The following CRACD variants were observed in gnomAD, a reference collection of about 807,000 sequenced individuals.
CRACD encodes capping protein-inhibiting regulator of actin dynamics.
In CRACD, 56 loss-of-function variants were observed where a neutral mutation model predicts 106.8. That is an observed-to-expected ratio of 0.52 (90% confidence interval 0.42 to 0.66). The LOEUF (loss-of-function observed/expected upper bound fraction) is 0.66, where lower values mean the gene tolerates loss of function less well. Ranked by LOEUF, CRACD falls within the 30% of genes least tolerant of loss-of-function variation. The pLI, the probability that CRACD is intolerant of heterozygous loss-of-function variation, is 0.00. For synonymous variants in CRACD, 754 were observed against 670.8 expected (o/e 1.12, Z -1.92); for missense variants, 1,730 against 1,623.2 (o/e 1.07, Z -1.13).
At position 56,313,275 on chromosome 4, in the gene CRACD, AT is replaced by A; in HGVS notation, c.434del (p.Ile145ThrfsTer104). 6.2e-7 allele frequency: 1 copy of A among 1,614,190 alleles called. No individual in the cohort carries two copies. Among genetic ancestry groups the A allele is most frequent in the Non-Finnish European group, 8.5e-7 (1 of 1,180,032 alleles). Reference protein sequence around the residue: ...GTIESVNLDAIPLAIARLDNS... With the variant: ...GTIESVNLDAXPLAIARLDNS... The stretch of plus-strand genomic sequence containing the variant: ...CATCGAAAGTGTCAACTTAGATGCC[AT>A]CCCCCTGGCCATCGCTCGCCTGGAC... On this transcript the variant is annotated frameshift_variant, in exon 7 of 11. Coordinates refer to ENST00000682029, the MANE Select transcript of CRACD (RefSeq NM_001393381.1). LOFTEE classifies it high-confidence loss of function.
intron 1 of CRACD, among the ~76,000 whole-genome samples, chr4:56,172,472 CT>C (rs1467216555): frequency 4.6e-5 from 7 of 152,124 alleles, no homozygotes; most frequent in Non-Finnish European, 7.4e-5. Context: ...CCCAACCTTT[CT>C]TTTTTTGAGA....
At chr4:56,248,906 C>T (rs2109582902) in intron 2 of CRACD, among the ~76,000 whole-genome samples, 1 of 148,246 alleles carries the variant, frequency 6.7e-6, no homozygotes, top group South Asian at 2.2e-4. Context: ...GACATGAACT[C>T]ATCATTTTTA....
chr4:56,139,961 G>A (rs1172625852), intron 1 of CRACD, among the ~76,000 whole-genome samples: 1 of 152,004 alleles, frequency 6.6e-6, no homozygotes, highest in African/African-American at 2.4e-5. Context: ...TTGGTATTTA[G>A]GTTTTTCAAA....
intron 1 of CRACD, among the ~76,000 whole-genome samples, chr4:56,111,143 T>C (rs11932413): frequency 0.47 from 71,732 of 151,728 alleles, 18,203 homozygotes; most frequent in African/African-American, 0.66. Context: ...AAACACTGAA[T>C]ATAGAACCGT....
At chr4:56,074,860 A>G (rs1180392682) in intron 1 of CRACD, among the ~76,000 whole-genome samples, 1 of 152,170 alleles carries the variant, frequency 6.6e-6, no homozygotes, top group African/African-American at 2.4e-5. Flanking sequence ...GATACGTTCC[A>G]TCAATACCTA....
At chr4:56,254,680 A>G (rs1417923089) in intron 2 of CRACD, among the ~76,000 whole-genome samples, 1 of 152,118 alleles carries the variant, frequency 6.6e-6, no homozygotes, top group African/African-American at 2.4e-5. Flanking sequence ...TGATACTCAC[A>G]TAGTAAAACT....
intron 1 of CRACD, among the ~76,000 whole-genome samples, chr4:56,082,062 G>A (rs765632536): frequency 2.0e-5 from 3 of 152,160 alleles, no homozygotes; most frequent in African/African-American, 2.4e-5. Context: ...AGTTTATTTC[G>A]TAAGAAATAT....
At chr4:56,248,379 A>G (rs1052350665) in intron 2 of CRACD, among the ~76,000 whole-genome samples, 1 of 152,196 alleles carries the variant, frequency 6.6e-6, no homozygotes, top group African/African-American at 2.4e-5. Context: ...TTGGTGAGCT[A>G]GAACTAGAAC....
At chr4:56,216,922 G>C (rs567706640) in intron 2 of CRACD, among the ~76,000 whole-genome samples, 3 of 146,852 alleles carry the variant, frequency 2.0e-5, no homozygotes, top group Non-Finnish European at 4.5e-5. Flanking sequence ...GGAGCTTGCA[G>C]TGAGCCGAGA....
chr4:56,214,302 TA>T (rs1738546994), intron 2 of CRACD, among the ~76,000 whole-genome samples: 1 of 152,132 alleles, frequency 6.6e-6, no homozygotes, highest in Admixed American at 6.5e-5. Context: ...TTTTTTTATT[TA>T]AAAAATATAG....
chr4:56,179,612 CT>C (rs757174937), intron 2 of CRACD, among the ~76,000 whole-genome samples, 182 bp downstream of exon 2: 35 of 152,148 alleles, frequency 2.3e-4, no homozygotes, highest in Admixed American at 3.3e-4. Context: ...TACTTACCAG[CT>C]GAGTCAACTT....
In CRACD at chr4:56,248,993, G is replaced by C. The variant is rs1156925523; in HGVS notation, c.-188-23328G>C. On this transcript the variant is annotated intron_variant, in intron 2 of 10. Coordinates refer to ENST00000682029, the MANE Select transcript of CRACD (RefSeq NM_001393381.1). ...CTATCATTGTTGGACATTTGGGTTG[G>C]TTCCAAGTCTTTGCTATTGTGAATA... Among the ~76,000 whole-genome samples, 33 of 97,308 alleles carry C rather than the reference G, an allele frequency of 3.4e-4. 1 individual carries two copies. Among genetic ancestry groups the C allele is most frequent in the African/African-American group, 1.2e-3 (31 of 25,374 alleles). 63.8% of individuals were successfully genotyped at this position (97,308 alleles called of 152,430 possible).
intron 2 of CRACD, among the ~76,000 whole-genome samples, chr4:56,220,969 A>C (rs1738999098): frequency 1.3e-5 from 2 of 152,184 alleles, no homozygotes; most frequent in Non-Finnish European, 2.9e-5. Context: ...TAGAGAGAGA[A>C]TCATGTACAA....
intron 1 of CRACD, among the ~76,000 whole-genome samples, chr4:56,126,475 T>G (rs988612264): frequency 2.0e-5 from 3 of 152,202 alleles, no homozygotes; most frequent in Non-Finnish European, 2.9e-5. Flanking sequence ...TTTTAGTTTC[T>G]CCATTCTCTA....
intron 1 of CRACD, among the ~76,000 whole-genome samples, chr4:56,151,301 G>A (rs545503651): frequency 6.6e-6 from 1 of 152,226 alleles, no homozygotes; most frequent in South Asian, 2.1e-4. Context: ...CACCTGGCGG[G>A]TATGAGGGTT....
At chr4:56,220,230 T>G (rs964309597) in intron 2 of CRACD, among the ~76,000 whole-genome samples, 2 of 152,200 alleles carry the variant, frequency 1.3e-5, no homozygotes, top group Non-Finnish European at 2.9e-5. Flanking sequence ...GAAATACTCC[T>G]AAACACAGAA....
intron 1 of CRACD, among the ~76,000 whole-genome samples, chr4:56,066,535 C>A (rs1373446430): frequency 1.3e-5 from 2 of 151,790 alleles, no homozygotes; most frequent in Non-Finnish European, 2.9e-5. Flanking sequence ...AGAGCGAGAC[C>A]CTGTCTCAGA....
intron 1 of CRACD, among the ~76,000 whole-genome samples, chr4:56,093,027 A>G (rs960254776): frequency 6.6e-6 from 1 of 152,220 alleles, no homozygotes. Flanking sequence ...GTGCTTTGGA[A>G]TCAGACTGAA....
intron 2 of CRACD, among the ~76,000 whole-genome samples, chr4:56,251,083 C>G (rs1741027008): frequency 6.6e-6 from 1 of 152,170 alleles, no homozygotes; most frequent in Non-Finnish European, 1.5e-5. Context: ...TAGTCTTCTT[C>G]CATCTTTTAC....
Sources: gnomAD v4.1 joint callset for allele counts (sites outside exome capture counted in the v4.1 genomes callset) on GRCh38, gnomAD v4.1.1 for gene constraint, MANE v1.5 for transcripts, NCBI Gene and HGNC (gene_info 2026-07-23, HGNC 2026-07-21) for gene names.